The following NUDT3 variants were observed in gnomAD, a reference collection of about 807,000 sequenced individuals.
NUDT3 encodes the protein nudix hydrolase 3.
Under a neutral mutation model 23.6 loss-of-function variants are expected in NUDT3, and 9 were observed. That is an observed-to-expected ratio of 0.38 (90% CI 0.23 to 0.66). NUDT3 has a LOEUF of 0.66. Among genes scored for constraint, NUDT3 ranks in the 30% least tolerant of loss-of-function variants. The pLI is 0.52. For synonymous variants in NUDT3, 86 were observed against 82.6 expected (o/e 1.04, Z -0.22); for missense variants, 172 against 218.5 (o/e 0.79, Z 1.34).
At chr6:34,338,555 G>C (rs779309915) in intron 2 of NUDT3, among the ~76,000 whole-genome samples, 17 of 152,196 alleles carry the variant, frequency 1.1e-4, no homozygotes, top group Non-Finnish European at 2.2e-4. Flanking sequence ...TGTGCAAGAT[G>C]GATGGGCACT....
chr6:34,315,185 C>T (rs77932947), intron 2 of NUDT3, among the ~76,000 whole-genome samples: 14,576 of 152,254 alleles, frequency 0.096, 801 homozygotes, highest in Non-Finnish European at 0.12. Context: ...GGGGAACAAA[C>T]ACTTAAGAAA....
At chr6:34,358,928 C>T (rs1366827106) in intron 1 of NUDT3, among the ~76,000 whole-genome samples, 2 of 152,186 alleles carry the variant, frequency 1.3e-5, no homozygotes, top group African/African-American at 4.8e-5. Flanking sequence ...TATGTAATTT[C>T]AAGTACTATG....
chr6:34,374,154 C>G (rs926893867), intron 1 of NUDT3, among the ~76,000 whole-genome samples: 1 of 105,516 alleles, frequency 9.5e-6, no homozygotes, highest in African/African-American at 4.1e-5. Flanking sequence ...AAGGCTCCCT[C>G]TCAAAAAAAA....
At chr6:34,351,213 A>AAAAAAAAAC (rs1764466001) in intron 1 of NUDT3, among the ~76,000 whole-genome samples, 1 of 130,856 alleles carries the variant, frequency 7.6e-6, no homozygotes, top group African/African-American at 2.9e-5. Context: ...AAAAAAAAAA[A>AAAAAAAAAC]AAAAAAAAAA....
At chr6:34,297,742 TATATATATATATATATAA>T (rs1763530036) in intron 2 of NUDT3, among the ~76,000 whole-genome samples, 2 of 102,806 alleles carry the variant, frequency 1.9e-5, no homozygotes, top group Non-Finnish European at 3.6e-5. Context: ...TATATATATA[TATATATATATATATATAA>T]TTTTTTTTTT....
intron 1 of NUDT3, among the ~76,000 whole-genome samples, chr6:34,357,462 A>C (rs1359452415): frequency 6.6e-6 from 1 of 152,040 alleles, no homozygotes; most frequent in Non-Finnish European, 1.5e-5. Context: ...AAACTAAAAA[A>C]TTAGCGGGGC....
Position 34,287,960 on chromosome 6 carries a change from T to TA in NUDT3, c.*792dup, listed in dbSNP as rs963655593. On this transcript the variant is annotated 3_prime_UTR_variant, in exon 5 of 5. Transcript: ENST00000607016. ...GCTTGGTTAAAAAAAAATAAAAAAA[T>TA]AAAAAAAGGTTTCTTCCTGTTTCTT... 3 of 151,764 alleles carry TA rather than the reference T, an allele frequency of 2.0e-5. No individual in the cohort carries two copies. Among genetic ancestry groups the TA allele is most frequent in the Non-Finnish European group, 2.9e-5 (2 of 67,952 alleles). The allele number at this position is 151,764 out of a possible 1,614,324, so 9.4% of individuals were successfully genotyped here.
Position 34,351,207 on chromosome 6 carries a change from A to AC in NUDT3, c.100-9236_100-9235insG, listed in dbSNP as rs200206443. Among the ~76,000 whole-genome samples, 117 of 125,836 alleles carry AC rather than the reference A, an allele frequency of 9.3e-4. 12 individuals are homozygous for AC. The highest frequency in any genetic ancestry group is 2.6e-3 in the African/African-American group (81 of 31,336). The allele number at this position is 125,836 out of a possible 152,430, so 82.6% of individuals were successfully genotyped here. ...TCTACACTCCCCTGCCTAAAAAAAAAAAAAAAAAAAAAAAAAAAACACTTT... is the reference window on the plus strand; with the variant it reads ...TCTACACTCCCCTGCCTAAAAAAAAACAAAAAAAAAAAAAAAAAAACACTTT... On this transcript the variant is annotated intron_variant, in intron 1 of 4. Transcript: ENST00000607016.
Position 34,305,174 on chromosome 6 carries a change from G to A in NUDT3, c.211-9489C>T, listed in dbSNP as rs561196375. Among the ~76,000 whole-genome samples, 4 of 151,400 alleles carry A rather than the reference G, an allele frequency of 2.6e-5. No individual in the cohort carries two copies. In the South Asian group the frequency reaches 8.3e-4, roughly 32 times the overall value. ...ATTTTTTAATTTTTAGTAGAGATGG[G>A]GTTTTACCATGTTGGCAGGCTGGTC... On this transcript the variant is annotated intron_variant, in intron 2 of 4. Coordinates refer to ENST00000607016, the MANE Select transcript of NUDT3 (RefSeq NM_006703.4).
intron 2 of NUDT3, among the ~76,000 whole-genome samples, chr6:34,311,841 T>C (rs1168992855): frequency 6.6e-6 from 1 of 152,212 alleles, no homozygotes; most frequent in Non-Finnish European, 1.5e-5. Context: ...TTTCTACATA[T>C]GATGCTGGCA....
chr6:34,345,710 T>G (rs568222249), intron 1 of NUDT3, among the ~76,000 whole-genome samples: 1 of 148,346 alleles, frequency 6.7e-6, no homozygotes, highest in Non-Finnish European at 1.5e-5. Context: ...ACTACTTTTT[T>G]CCCCCAGAGT....
intron 2 of NUDT3, among the ~76,000 whole-genome samples, chr6:34,314,788 T>C (rs1203581887): frequency 6.6e-6 from 1 of 152,134 alleles, no homozygotes; most frequent in African/African-American, 2.4e-5. Flanking sequence ...TTAGTCTGTT[T>C]TTCTAGTAAT....
chr6:34,313,602 G>A (rs1490160804), intron 2 of NUDT3, among the ~76,000 whole-genome samples: 2 of 151,938 alleles, frequency 1.3e-5, no homozygotes, highest in South Asian at 2.1e-4. Flanking sequence ...ACGTAGGGTC[G>A]GTGGGTATAT....
intron 1 of NUDT3, among the ~76,000 whole-genome samples, chr6:34,383,126 CAA>C (rs557348971): frequency 2.8e-4 from 18 of 65,022 alleles, no homozygotes; most frequent in Admixed American, 3.6e-4. Flanking sequence ...GACTCCATCT[CAA>C]AAAAAAAAAA....
rs1213409590 is a variant in NUDT3, at chr6:34,286,006, TAC to T, written c.*2745_*2746del. ...CTGCACTTTCAGGGTAGTATATTGT[TAC>T]ACTAGCCCAGTCAAAACATACTCAG... On this transcript the variant is annotated 3_prime_UTR_variant, in exon 5 of 5. Coordinates refer to ENST00000607016, the MANE Select transcript of NUDT3 (RefSeq NM_006703.4). The T allele has an allele frequency of 6.6e-6, 1 of 152,238 alleles. No individual in the cohort carries two copies. The allele number at this position is 152,238 out of a possible 1,614,324, so 9.4% of individuals were successfully genotyped here.
intron 1 of NUDT3, among the ~76,000 whole-genome samples, chr6:34,383,028 G>A (rs987778964): frequency 2.6e-5 from 4 of 151,512 alleles, no homozygotes; most frequent in Non-Finnish European, 4.4e-5. Flanking sequence ...TCGGGAGGCT[G>A]AGGCAGGAGA....
At chr6:34,311,624 T>G (rs568502) in intron 2 of NUDT3, among the ~76,000 whole-genome samples, 49,417 of 151,732 alleles carry the variant, frequency 0.33, 9,606 homozygotes, top group African/African-American at 0.51. Context: ...AGTCAACTCG[T>G]TAAGAAAGGA....
chr6:34,371,311 TAAAA>T (rs772233393), intron 1 of NUDT3, among the ~76,000 whole-genome samples: 2 of 148,702 alleles, frequency 1.3e-5, no homozygotes, highest in African/African-American at 2.5e-5. Flanking sequence ...CCACTGAAAA[TAAAA>T]AAATTAGCTG....
At chr6:34,327,525 C>A (rs542372675) in intron 2 of NUDT3, among the ~76,000 whole-genome samples, 1 of 136,368 alleles carries the variant, frequency 7.3e-6, no homozygotes, top group Non-Finnish European at 1.6e-5. Context: ...CGAGACTCCG[C>A]CTCAAAAAAA....
Sources: allele counts gnomAD v4.1 joint callset (sites outside exome capture counted in the v4.1 genomes callset), GRCh38; gene constraint gnomAD v4.1.1; transcripts MANE v1.5; gene names NCBI Gene and HGNC (gene_info 2026-07-23, HGNC 2026-07-21).